Variants in ADAM10 observed in about 807,000 individuals in gnomAD.
ADAM10 encodes disintegrin and metalloproteinase domain-containing protein 10.
In ADAM10, 17 loss-of-function variants were observed where a neutral mutation model predicts 90.1. The observed-to-expected ratio is 0.19, with a 90% CI of 0.13 to 0.28. ADAM10 has a LOEUF of 0.28. ADAM10 is among the 10% of genes least tolerant of loss of function. ADAM10 has a pLI of 1.00. For synonymous variants in ADAM10, 310 were observed against 298.6 expected, an observed-to-expected ratio of 1.04 and a Z score of -0.40; for missense variants, 610 against 914.3, an observed-to-expected ratio of 0.67 and a Z score of 4.29.
chr15:58,629,664 C>A (rs1566972942), intron 9 of ADAM10, among the ~76,000 whole-genome samples: 1 of 152,162 alleles, frequency 6.6e-6, no homozygotes, highest in African/African-American at 2.4e-5. Flanking sequence ...AAAATTCAAT[C>A]ATAATCTACC....
intron 2 of ADAM10, among the ~76,000 whole-genome samples, chr15:58,689,692 T>C (rs997822902): frequency 6.6e-6 from 1 of 151,912 alleles, no homozygotes; most frequent in African/African-American, 2.4e-5. Context: ...ATAATGAAAA[T>C]AAATTCAATT....
At chr15:58,633,943 G>A (rs1285351128) in intron 8 of ADAM10, among the ~76,000 whole-genome samples, 3 of 150,374 alleles carry the variant, frequency 2.0e-5, no homozygotes, top group Admixed American at 1.3e-4. Context: ...GAAGGAAAAA[G>A]AGAAGATGGG....
At chr15:58,617,256 T>A (rs550920455) in intron 11 of ADAM10, among the ~76,000 whole-genome samples, 21 of 152,152 alleles carry the variant, frequency 1.4e-4, no homozygotes, top group African/African-American at 4.8e-4. Flanking sequence ...ACGTTATAAC[T>A]GATACCACAA....
intron 5 of ADAM10, among the ~76,000 whole-genome samples, chr15:58,648,959 T>C (rs1217766210): frequency 6.6e-6 from 1 of 152,142 alleles, no homozygotes; most frequent in Non-Finnish European, 1.5e-5. Context: ...TCCTTATATT[T>C]TAGGAGCAGT....
Position 58,597,575 on chromosome 15 carries a change from C to T in ADAM10, c.2219G>A (p.Ser740Asn). The stretch of plus-strand genomic sequence containing the variant: ...GCGTCTCATGTGTCCCATTTGATAA[C>T]TCTCTCGGGGCCGCTGACGCTGGGG... The part of the protein sequence containing the change: ...QQPQRQRPRE[S>N]YQMGHMRR Residue 740 changes from serine to asparagine, a missense_variant, in exon 16 of 16, where the codon AGT becomes AAT. Ser to Asn is a conservative substitution (Grantham distance 46, BLOSUM62 1). Around this residue, in one of 4 missense-constraint regions of ADAM10, gnomAD observed 150 missense variants for 268.5 expected, o/e 0.56. Coordinates refer to ENST00000260408, the MANE Select transcript of ADAM10 (RefSeq NM_001110.4). The T allele has an allele frequency of 6.2e-7, 1 of 1,614,110 alleles. No homozygotes were observed. Among genetic ancestry groups the T allele is most frequent in the Non-Finnish European group, 8.5e-7 (1 of 1,180,010 alleles).
chr15:58,627,869 T>G lies in ADAM10; in HGVS notation c.1191A>C (p.Thr397=). 1 of 1,613,512 alleles carries G rather than the reference T, an allele frequency of 6.2e-7. No individual in the cohort carries two copies. The highest frequency in any genetic ancestry group is 1.3e-5 in the African/African-American group (1 of 75,050). Reference sequence around the variant, plus strand: ...TCTTAGATTCTCCTGGTGTGCACTCTGTTCCAGAATCATGCTGTCAAAAAG... The same window carrying G: ...TCTTAGATTCTCCTGGTGTGCACTCGGTTCCAGAATCATGCTGTCAAAAAG... The part of the protein sequence containing the change: ...HNFGSPHDSG[T]ECTPGESKNL... The change falls in exon 10 of 16, where the codon ACA becomes ACC. Residue 397 remains threonine, a synonymous_variant. Coordinates refer to ENST00000260408, the MANE Select transcript of ADAM10 (RefSeq NM_001110.4).
chr15:58,726,161 A>AGT (rs1479320056), intron 1 of ADAM10, among the ~76,000 whole-genome samples: 14 of 152,230 alleles, frequency 9.2e-5, no homozygotes, highest in African/African-American at 2.9e-4. Context: ...GGAGAAACAC[A>AGT]GTGTACATAT....
intron 1 of ADAM10, among the ~76,000 whole-genome samples, chr15:58,728,181 A>G (rs941537369): frequency 6.6e-6 from 1 of 152,230 alleles, no homozygotes; most frequent in Non-Finnish European, 1.5e-5. Flanking sequence ...AATAACAGAT[A>G]TGCAGAAAAT....
chr15:58,682,639 C>A lies in ADAM10; in HGVS notation c.207-325G>T, dbSNP rs1053000558. On this transcript the variant is annotated intron_variant, in intron 2 of 15. Transcript: ENST00000260408. The stretch of plus-strand genomic sequence containing the variant: ...GGAGATTAAAACAGGCTTCCTGACC[C>A]AATTACTATTATCTACCACTGCCTG... Among the ~76,000 whole-genome samples, 9 of 152,230 alleles carry A rather than the reference C, an allele frequency of 5.9e-5. 1 individual carries two copies. The South Asian group carries it at 1.7e-3, about 28-fold the overall frequency.
chr15:58,700,266 A>G (rs1898095202), intron 2 of ADAM10, among the ~76,000 whole-genome samples: 1 of 152,374 alleles, frequency 6.6e-6, no homozygotes, highest in African/African-American at 2.4e-5. Context: ...TACAGATTTC[A>G]TACAACAGTT....
chr15:58,650,341 G>A (rs1336817175), intron 5 of ADAM10, among the ~76,000 whole-genome samples: 11 of 152,112 alleles, frequency 7.2e-5, no homozygotes, highest in African/African-American at 2.7e-4. Context: ...TTTCACTTCT[G>A]GTAAGCAGAG....
chr15:58,729,492 T>C (rs1387876574), intron 1 of ADAM10, among the ~76,000 whole-genome samples: 1 of 152,226 alleles, frequency 6.6e-6, no homozygotes, highest in East Asian at 1.9e-4. Flanking sequence ...ACTCAGGCTC[T>C]ACCCCAGACT....
chr15:58,723,128 G>A (rs1298925799), intron 1 of ADAM10, among the ~76,000 whole-genome samples: 1 of 151,980 alleles, frequency 6.6e-6, no homozygotes, highest in Non-Finnish European at 1.5e-5. Context: ...GGCAGCCAAG[G>A]AATGAAATAA....
chr15:58,727,308 A>C lies in ADAM10; in HGVS notation c.56-9581T>G, dbSNP rs935655399. Reference sequence around the variant, plus strand: ...CAGGTTCAAGTGATTCTCCTGCCTAAGCCTCCCCAGTAGCTGGGATTACAG... The same window carrying C: ...CAGGTTCAAGTGATTCTCCTGCCTACGCCTCCCCAGTAGCTGGGATTACAG... On this transcript the variant is annotated intron_variant, in intron 1 of 15. Transcript: ENST00000260408. Among the ~76,000 whole-genome samples the C allele has an allele frequency of 3.3e-5, 5 of 150,168 alleles. No homozygotes were observed. The East Asian group carries it at 5.9e-4, about 18-fold the overall frequency.
chr15:58,609,741 CTG>C (rs1221283013), intron 14 of ADAM10: 1 of 155,510 alleles, frequency 6.4e-6, no homozygotes, highest in Non-Finnish European at 1.4e-5. Flanking sequence ...TCAGGTAATT[CTG>C]TGTTTGTACA....
chr15:58,693,100 T>C (rs770548713), intron 2 of ADAM10: 213 of 743,554 alleles, frequency 2.9e-4, no homozygotes, highest in Non-Finnish European at 4.1e-4. Flanking sequence ...CTTGTTGGAA[T>C]AGAAGGTATT....
At chr15:58,676,709 C>A (rs73426529) in intron 4 of ADAM10, among the ~76,000 whole-genome samples, 168 of 152,198 alleles carry the variant, frequency 1.1e-3, no homozygotes, top group Middle Eastern at 3.4e-3. Context: ...CCCAGCTACT[C>A]ACAGAGCTGA....
Position 58,686,477 on chromosome 15 carries a change from G to C in ADAM10, c.207-4163C>G, listed in dbSNP as rs536273234. On this transcript the variant is annotated intron_variant, in intron 2 of 15. Coordinates refer to ENST00000260408, the MANE Select transcript of ADAM10 (RefSeq NM_001110.4). ...GGAGCAGCTCAAGTTGGAGGCTGGC[G>C]TGGAGAGGATCAATGTCTCTCAGGC... is the stretch of plus-strand genomic sequence containing the variant. The C allele has an allele frequency of 4.3e-6, 6 of 1,399,650 alleles. No individual in the cohort carries two copies. The South Asian group carries it at 7.3e-5, about 17-fold the overall frequency. 86.7% of individuals were successfully genotyped at this position (1,399,650 alleles called of 1,614,324 possible). A position where few individuals can be genotyped will look rare whatever the true frequency, so the allele number is the denominator to read the frequency against.
At chr15:58,717,999 T>C (rs1898722929) in intron 1 of ADAM10, among the ~76,000 whole-genome samples, 1 of 152,148 alleles carries the variant, frequency 6.6e-6, no homozygotes, top group Non-Finnish European at 1.5e-5. Flanking sequence ...CACATTTTGC[T>C]GATAAAAACT....
Sources: allele counts gnomAD v4.1 joint callset (sites outside exome capture counted in the v4.1 genomes callset), GRCh38; gene constraint gnomAD v4.1.1; regional missense constraint gnomAD v4.1.1; transcripts MANE v1.5; gene names NCBI Gene and HGNC (gene_info 2026-07-23, HGNC 2026-07-21).